Variants in IQANK1 observed in about 807,000 individuals in gnomAD.
The protein encoded by IQANK1 is IQ motif and ankyrin repeat domain-containing protein 1.
IQANK1 carries 30 observed loss-of-function variants against 22.6 expected under a neutral mutation model. The ratio of observed to expected loss-of-function variants is 1.33; its 90% CI spans 0.99 to 1.80. The LOEUF is 1.80. Among genes scored for constraint, IQANK1 ranks in the 40% most tolerant of loss-of-function variants. IQANK1 has a pLI of 0.00. For synonymous variants in IQANK1, 122 were observed against 99.6 expected (o/e 1.23, Z -1.34); for missense variants, 275 against 235.2 (o/e 1.17, Z -1.11).
chr8:143,790,643 G>A lies in IQANK1; in HGVS notation c.*35G>A, dbSNP rs1820022939. The A allele has an allele frequency of 2.5e-6, 1 of 398,414 alleles. No individual in the cohort carries two copies. The highest frequency in any genetic ancestry group is 4.4e-6 in the Non-Finnish European group (1 of 226,072). The allele number at this position is 398,414 out of a possible 1,614,324, so 24.7% of individuals were successfully genotyped here. ...CAGTCCCAATAAAACGTGTGCCCCG[G>A]GGCGCGGTGCTGCATCTGTGCTGCG... On this transcript the variant is annotated 3_prime_UTR_variant, in exon 14 of 14. Coordinates refer to ENST00000527139, the MANE Select transcript of IQANK1 (RefSeq NM_001381874.1).
chr8:143,764,596 T>G (rs1026747022), intron 3 of IQANK1, among the ~76,000 whole-genome samples: 1 of 151,990 alleles, frequency 6.6e-6, no homozygotes. Context: ...AGCAAGACCC[T>G]GTTTCTAAAA....
chr8:143,744,678 C>G (rs370754392), intron 3 of IQANK1: 11 of 152,266 alleles, frequency 7.2e-5, no homozygotes, highest in African/African-American at 2.6e-4. Context: ...TGGTGTTAAC[C>G]TCTGCAATTC....
Position 143,764,150 on chromosome 8 carries a change from A to G in IQANK1, c.176-7338A>G, listed in dbSNP as rs555161600. Among the ~76,000 whole-genome samples the G allele has an allele frequency of 8.0e-4, 121 of 152,174 alleles. 1 individual carries two copies. Among genetic ancestry groups the G allele is most frequent in the African/African-American group, 2.8e-3 (117 of 41,514 alleles). On this transcript the variant is annotated intron_variant, in intron 3 of 13. Coordinates refer to ENST00000527139, the MANE Select transcript of IQANK1 (RefSeq NM_001381874.1). ...ATTGTGTGGAGGGCCCGCCGGAAGG[A>G]CTCGGCGGCAGAGGATTCCACCTGC...
chr8:143,761,580 G>A (rs1041935157), intron 3 of IQANK1, among the ~76,000 whole-genome samples: 1 of 152,034 alleles, frequency 6.6e-6, no homozygotes, highest in Non-Finnish European at 1.5e-5. Context: ...GACCAACCTG[G>A]GCAACATAGT....
chr8:143,735,948 C>T lies in IQANK1; in HGVS notation c.85+10C>T. 1.4e-6 allele frequency: 1 copy of T among 702,528 alleles called. No individual in the cohort carries two copies. The highest frequency in any genetic ancestry group is 2.6e-6 in the Non-Finnish European group (1 of 384,866). 43.5% of individuals were successfully genotyped at this position (702,528 alleles called of 1,614,324 possible). On this transcript the variant is annotated intron_variant, in intron 2 of 13. Coordinates refer to ENST00000527139, the MANE Select transcript of IQANK1 (RefSeq NM_001381874.1). This position sits in a 1 kb window ranked among gnomAD's most constrained non-coding sequence, Gnocchi z 5.2. ...ACAAGAGCTGCTGCTGGTAAGTGCA[C>T]CCTCTGACCTCCAGAGCACTGTCAC...
chr8:143,771,758 C>A lies in IQANK1; in HGVS notation c.307-43C>A. On this transcript the variant is annotated intron_variant, in intron 4 of 13. Transcript: ENST00000527139. This position sits in a 1 kb window ranked among gnomAD's most constrained non-coding sequence, Gnocchi z 6.0. ...TGGACCGTGGCCTCGGGGCTCGGGG[C>A]GGTGGCGCGGAGTGGGCGGTGACTT... 2.5e-6 allele frequency: 1 copy of A among 397,440 alleles called. No individual in the cohort carries two copies. The highest frequency in any genetic ancestry group is 4.4e-6 in the Non-Finnish European group (1 of 225,474). 24.6% of individuals were successfully genotyped at this position (397,440 alleles called of 1,614,324 possible).
intron 3 of IQANK1, among the ~76,000 whole-genome samples, chr8:143,752,926 T>C (rs1263569983): frequency 1.3e-5 from 2 of 152,048 alleles, no homozygotes; most frequent in Non-Finnish European, 2.9e-5. Flanking sequence ...CTTTCTTCTC[T>C]TTCTGAGGTA....
intron 7 of IQANK1, among the ~76,000 whole-genome samples, chr8:143,779,093 AATAAATTTATAAGCTTATAT>A (rs1297493348): frequency 2.6e-5 from 4 of 152,134 alleles, no homozygotes; most frequent in Non-Finnish European, 5.9e-5. Context: ...TAAACTTATA[AATAAATTTATAAGCTTATAT>A]ATAAATTTAT....
chr8:143,739,064 C>G (rs1365675816), intron 2 of IQANK1, among the ~76,000 whole-genome samples: 1 of 152,196 alleles, frequency 6.6e-6, no homozygotes, highest in Non-Finnish European at 1.5e-5. Context: ...AAAGTCCTGG[C>G]GGTCATGGAG....
chr8:143,736,794 C>T (rs1235576389), intron 2 of IQANK1, among the ~76,000 whole-genome samples: 1 of 152,060 alleles, frequency 6.6e-6, no homozygotes, highest in Non-Finnish European at 1.5e-5. Context: ...GTACCCTCCC[C>T]CACCCCAGCC....
intron 7 of IQANK1, among the ~76,000 whole-genome samples, chr8:143,787,540 G>T (rs1347337178): frequency 3.9e-5 from 6 of 152,174 alleles, no homozygotes; most frequent in African/African-American, 1.4e-4. Flanking sequence ...CCTCTCGTCT[G>T]CTGTGTCTCC....
chr8:143,789,625 T>C (rs1235349823), intron 10 of IQANK1, 97 bp downstream of exon 10: 4 of 1,223,164 alleles, frequency 3.3e-6, no homozygotes, highest in Middle Eastern at 6.3e-4. Context: ...GCCTGGGGTT[T>C]TTCCCTCTCA....
chr8:143,786,325 C>T (rs1471599133), intron 7 of IQANK1, among the ~76,000 whole-genome samples: 4 of 152,228 alleles, frequency 2.6e-5, no homozygotes, highest in African/African-American at 9.6e-5. Context: ...AAGCTGAAGT[C>T]AACCTCACTC....
chr8:143,749,651 A>G (rs1819150735), intron 3 of IQANK1, among the ~76,000 whole-genome samples: 2 of 144,662 alleles, frequency 1.4e-5, no homozygotes, highest in South Asian at 4.3e-4. Context: ...GCTGGAGTGC[A>G]GTGGCATGAT....
At chr8:143,752,260 C>G (rs1357352047) in intron 3 of IQANK1, among the ~76,000 whole-genome samples, 1 of 152,224 alleles carries the variant, frequency 6.6e-6, no homozygotes, top group Non-Finnish European at 1.5e-5. Flanking sequence ...GCCACCACAC[C>G]CAGCCTTTCT....
chr8:143,752,773 G>A (rs1376308474), intron 3 of IQANK1, among the ~76,000 whole-genome samples: 1 of 151,966 alleles, frequency 6.6e-6, no homozygotes, highest in Non-Finnish European at 1.5e-5. Flanking sequence ...ATATAGTTTA[G>A]GTATACAGTA....
intron 7 of IQANK1, among the ~76,000 whole-genome samples, chr8:143,788,133 G>A (rs1013375877): frequency 1.3e-5 from 2 of 152,186 alleles, no homozygotes; most frequent in Non-Finnish European, 2.9e-5. Flanking sequence ...CTAGACAACA[G>A]GCCCTGGTCA....
chr8:143,752,231 G>T (rs1459158479), intron 3 of IQANK1, among the ~76,000 whole-genome samples: 1 of 152,184 alleles, frequency 6.6e-6, no homozygotes, highest in African/African-American at 2.4e-5. Context: ...CCCCCAAAGT[G>T]CTGGGATTAC....
rs1193944391 is a variant in IQANK1, at chr8:143,734,169, A to G, written c.-55A>G. On this transcript the variant is annotated 5_prime_UTR_variant, in exon 1 of 14. Coordinates refer to ENST00000527139, the MANE Select transcript of IQANK1 (RefSeq NM_001381874.1). ...CTAGGAAACGAGCGAGCCCGACGCC[A>G]GGGGCGGAGCTCTGGCCTCCTCGCC... is the stretch of plus-strand genomic sequence containing the variant. 2.0e-5 allele frequency: 3 copies of G among 152,240 alleles called. No individual in the cohort carries two copies. In the East Asian group the frequency reaches 5.8e-4, roughly 29 times the overall value. 9.4% of individuals were successfully genotyped at this position (152,240 alleles called of 1,614,324 possible). A position where few individuals can be genotyped will look rare whatever the true frequency, so the allele number is the denominator to read the frequency against.
Sources: allele counts gnomAD v4.1 joint callset (sites outside exome capture counted in the v4.1 genomes callset), GRCh38; gene constraint gnomAD v4.1.1; non-coding constraint Gnocchi (gnomAD v3.1); transcripts MANE v1.5; gene names NCBI Gene and HGNC (gene_info 2026-07-23, HGNC 2026-07-21).